Variants in TSPOAP1 observed in about 807,000 individuals in gnomAD.
TSPOAP1 encodes TSPO associated protein 1, also known as peripheral-type benzodiazepine receptor-associated protein 1.
A neutral mutation model predicts 197.0 loss-of-function variants in TSPOAP1; 87 were observed. That is an observed-to-expected ratio of 0.44 (90% CI 0.37 to 0.53). The LOEUF (loss-of-function observed/expected upper bound fraction) is 0.53, where lower values mean the gene tolerates loss of function less well. TSPOAP1 is among the 20% of genes least tolerant of loss of function. The probability of loss-of-function intolerance (pLI) is 0.00; values close to 1 mark genes in which losing one functional copy is unlikely to be tolerated. For missense variants in TSPOAP1, 2,174 were observed against 2,411.3 expected, an observed-to-expected ratio of 0.90 and a Z score of 2.06; for synonymous variants, 913 against 998.9, an observed-to-expected ratio of 0.91 and a Z score of 1.62.
In TSPOAP1 at chr17:58,323,553, T is replaced by A; in HGVS notation, c.943-8A>T. 1 of 1,613,244 alleles carries A rather than the reference T, an allele frequency of 6.2e-7. No individual in the cohort carries two copies. The highest frequency in any genetic ancestry group is 1.3e-5 in the African/African-American group (1 of 75,042). ...ATCCTCCTGGGGCGTGGCCTGGAAA[T>A]GCCCAGGGGCAAGGGGCTGGCACCT... On this transcript the variant is annotated splice_region_variant and splice_polypyrimidine_tract_variant and intron_variant, in intron 5 of 31. Coordinates refer to ENST00000343736, the MANE Select transcript of TSPOAP1 (RefSeq NM_004758.4).
At position 58,326,305 on chromosome 17, in the gene TSPOAP1, C is replaced by T. The variant is rs369879329; in HGVS notation, c.558G>A (p.Thr186=). 8.1e-6 allele frequency: 13 copies of T among 1,614,080 alleles called. No homozygotes were observed. In the East Asian group the frequency reaches 1.3e-4, roughly 17 times the overall value. The part of the protein sequence containing the change: ...LEERARKLQE[T]NLRVVSAPLP... ...CTCCTTTCCTCACCACCCTCAGGTT[C>T]GTTTCCTGCAGCTTTCGGGCCCTCT... Residue 186 remains threonine, a synonymous_variant, in exon 3 of 32, where the codon ACG becomes ACA. Coordinates refer to ENST00000343736, the MANE Select transcript of TSPOAP1 (RefSeq NM_004758.4). The surrounding 1 kb of genome is among the most constrained non-coding windows in gnomAD (Gnocchi z 4.7).
chr17:58,304,327 C>T lies in TSPOAP1; in HGVS notation c.*32+11G>A, dbSNP rs781609659. On this transcript the variant is annotated intron_variant, in intron 31 of 31. Transcript: ENST00000343736. The surrounding 1 kb of genome is among the most constrained non-coding windows in gnomAD (Gnocchi z 4.2). ...GTGGACGGTCACACAGGGGGGCAGT[C>T]CCCCACTTACATGTTGCTCTCTCTA... 5 of 1,611,294 alleles carry T rather than the reference C, an allele frequency of 3.1e-6. No individual in the cohort carries two copies. The highest frequency in any genetic ancestry group is 3.4e-6 in the Non-Finnish European group (4 of 1,177,644).
rs1971334247 is a variant in TSPOAP1, at chr17:58,319,398, C to T, written c.1495-104G>A. On this transcript the variant is annotated intron_variant, in intron 12 of 31. Transcript: ENST00000343736. ...ACACTGGGTTTCAGGTCATATCCAT[C>T]CACCCAGCCCCAGGCCTGGGCACCA... The T allele has an allele frequency of 9.5e-6, 12 of 1,259,136 alleles. No homozygotes were observed. The South Asian group carries it at 1.9e-4, about 19-fold the overall frequency. The allele number at this position is 1,259,136 out of a possible 1,614,324, so 78.0% of individuals were successfully genotyped here. A position where few individuals can be genotyped will look rare whatever the true frequency, so the allele number is the denominator to read the frequency against.
At position 58,322,013 on chromosome 17, in the gene TSPOAP1, G is replaced by A; in HGVS notation, c.1422+295C>T. 2.5e-6 allele frequency: 1 copy of A among 395,226 alleles called. No individual in the cohort carries two copies. Among genetic ancestry groups the A allele is most frequent in the Non-Finnish European group, 4.6e-6 (1 of 218,760 alleles). The allele number at this position is 395,226 out of a possible 1,614,324, so 24.5% of individuals were successfully genotyped here. ...ATGTCTACACCTCCTGGCTGGCAAGGTCAATTGTCACCTCCTCAGGGAGGC... is the reference window on the plus strand; with the variant it reads ...ATGTCTACACCTCCTGGCTGGCAAGATCAATTGTCACCTCCTCAGGGAGGC... On this transcript the variant is annotated intron_variant, in intron 10 of 31. Coordinates refer to ENST00000343736, the MANE Select transcript of TSPOAP1 (RefSeq NM_004758.4). The surrounding 1 kb of genome is among the most constrained non-coding windows in gnomAD (Gnocchi z 5.0).
Position 58,322,299 on chromosome 17 carries a change from C to G in TSPOAP1, c.1422+9G>C. The G allele has an allele frequency of 6.2e-7, 1 of 1,600,920 alleles. No individual in the cohort carries two copies. Among genetic ancestry groups the G allele is most frequent in the Non-Finnish European group, 8.5e-7 (1 of 1,179,178 alleles). On this transcript the variant is annotated intron_variant, in intron 10 of 31. Transcript: ENST00000343736. This position sits in a 1 kb window ranked among gnomAD's most constrained non-coding sequence, Gnocchi z 5.0. ...AGCAGCCTGCCAGCTTCCCTCACTGCCGCCCCACCTGCTGCAGTCTCCGGA... is the reference window on the plus strand; with the variant it reads ...AGCAGCCTGCCAGCTTCCCTCACTGGCGCCCCACCTGCTGCAGTCTCCGGA...
In TSPOAP1 at chr17:58,310,566, A is replaced by G; in HGVS notation, c.3645T>C (p.Asn1215=). The change falls in exon 20 of 32, where the codon AAT becomes AAC. Residue 1215 remains asparagine, a synonymous_variant. Coordinates refer to ENST00000343736, the MANE Select transcript of TSPOAP1 (RefSeq NM_004758.4). ...GGTCTCCTCCTTGGCACATCTCGGTATTTGGCGCCTGCTGGGCCCGTGCTC... is the reference window on the plus strand; with the variant it reads ...GGTCTCCTCCTTGGCACATCTCGGTGTTTGGCGCCTGCTGGGCCCGTGCTC... ...TQGARAQQAP[N]TEMCQGGDPG... is the part of the protein sequence containing the mutation. 1.2e-6 allele frequency: 2 copies of G among 1,613,364 alleles called. No homozygotes were observed. The highest frequency in any genetic ancestry group is 1.7e-6 in the Non-Finnish European group (2 of 1,179,998).
chr17:58,312,613 G>A lies in TSPOAP1; in HGVS notation c.2208C>T (p.His736=), dbSNP rs1971109080. The A allele has an allele frequency of 2.5e-6, 4 of 1,613,698 alleles. No homozygotes were observed. Among genetic ancestry groups the A allele is most frequent in the Non-Finnish European group, 3.4e-6 (4 of 1,179,986 alleles). ...GGAAACTGAGTTCAGGGCCTGAGCT[G>A]TGGGACAAATCGGCCAGCTCTGGAG... ...SLPPELADLS[H]SSGPELSFLS... is the part of the protein sequence containing the mutation. Residue 736 remains histidine (H), a synonymous_variant, in exon 17 of 32, where the codon CAC becomes CAT. Transcript: ENST00000343736.
chr17:58,326,239 GGCTC>G lies in TSPOAP1; in HGVS notation c.570+50_570+53del. 1.9e-6 allele frequency: 3 copies of G among 1,605,652 alleles called. No individual in the cohort carries two copies. ...TCAGACAGCCCTCAGGCCCAGCCCT[GGCTC>G]CCCTCTTCCTTGGTCACCCAGCCTC... On this transcript the variant is annotated intron_variant, in intron 3 of 31. Coordinates refer to ENST00000343736, the MANE Select transcript of TSPOAP1 (RefSeq NM_004758.4). This position sits in a 1 kb window ranked among gnomAD's most constrained non-coding sequence, Gnocchi z 4.7.
rs1971714421 is a variant in TSPOAP1 at position 58,328,209 on chromosome 17, C to T, written c.-289G>A. 1.1e-5 allele frequency: 5 copies of T among 471,368 alleles called. No individual in the cohort carries two copies. Among genetic ancestry groups the T allele is most frequent in the Admixed American group, 6.9e-5 (2 of 29,010 alleles). 29.2% of individuals were successfully genotyped at this position (471,368 alleles called of 1,614,324 possible). On this transcript the variant is annotated 5_prime_UTR_variant, in exon 1 of 32. Transcript: ENST00000343736. This position sits in a 1 kb window ranked among gnomAD's most constrained non-coding sequence, Gnocchi z 4.3. ...TCCCTGTGGGGGTAGGGAGGATGTG[C>T]AGAGGCCACCGACAGCTGCGCCTGG... is the stretch of plus-strand genomic sequence containing the variant.
Position 58,308,853 on chromosome 17 carries a change from G to A in TSPOAP1, c.4419C>T (p.Ser1473=). Residue 1473 remains serine (S), a synonymous_variant, in exon 22 of 32, where the codon TCC becomes TCT. Transcript: ENST00000343736. ...EASGRGRLGP[S]RRCSRGRALE... is the part of the protein sequence containing the mutation. Reference sequence around the variant, plus strand: ...GCGCCCGGCCACGGGAGCACCTCCGGGAAGGGCCCAGCCGGCCTCTCCCGC... The same window carrying A: ...GCGCCCGGCCACGGGAGCACCTCCGAGAAGGGCCCAGCCGGCCTCTCCCGC... The A allele has an allele frequency of 6.2e-7, 1 of 1,609,702 alleles. No individual in the cohort carries two copies.
In TSPOAP1 at chr17:58,325,640, C is replaced by T. The variant is rs150017839; in HGVS notation, c.644G>A (p.Arg215Gln). The change falls in exon 4 of 32, where the codon CGG (arginine) becomes CAG (glutamine). Residue 215 changes from arginine (R) to glutamine (Q), a missense_variant. Around this residue, in one of 5 missense-constraint regions of TSPOAP1, gnomAD observed 1,933 missense variants for 2,139.0 expected, o/e 0.90. Transcript: ENST00000343736. ...CRKALARQRA[R>Q]DLSETASALL... is the part of the protein sequence containing the mutation. ...TGCACTGGCTGTCTCACTGAGGTCC[C>T]GGGCTCGCTGGCGGGCTAGGGCCTT... 15 of 1,613,356 alleles carry T rather than the reference C, an allele frequency of 9.3e-6. No homozygotes were observed. Among genetic ancestry groups the T allele is most frequent in the East Asian group, 6.7e-5 (3 of 44,898 alleles).
At position 58,318,407 on chromosome 17, in the gene TSPOAP1, G is replaced by T. The variant is rs879041854; in HGVS notation, c.1745C>A (p.Ser582Tyr). 1.9e-6 allele frequency: 3 copies of T among 1,613,904 alleles called. No homozygotes were observed. Among genetic ancestry groups the T allele is most frequent in the South Asian group, 2.2e-5 (2 of 91,090 alleles). ...GAGAGTGGCAGGGGCAGGCTCGGAAGACTTTGGGGTGCAGCGCCCAGGGGA... is the reference window on the plus strand; with the variant it reads ...GAGAGTGGCAGGGGCAGGCTCGGAATACTTTGGGGTGCAGCGCCCAGGGGA... ...PGSPGRCTPK[S>Y]SEPAPATLTG... is the part of the protein sequence containing the mutation. Residue 582 changes from serine to tyrosine, a missense_variant, in exon 14 of 32, where the codon TCT (serine) becomes TAT (tyrosine). This residue lies in a region of TSPOAP1 where 1,933 missense variants were observed against 2,139.0 expected (regional missense o/e 0.90). Coordinates refer to ENST00000343736, the MANE Select transcript of TSPOAP1 (RefSeq NM_004758.4).
chr17:58,304,683 C>T lies in TSPOAP1; in HGVS notation c.5545-284G>A, dbSNP rs1002608560. 3.5e-6 allele frequency: 2 copies of T among 572,666 alleles called. No homozygotes were observed. The highest frequency in any genetic ancestry group is 6.1e-5 in the Admixed American group (2 of 32,836). 35.5% of individuals were successfully genotyped at this position (572,666 alleles called of 1,614,324 possible). A position where few individuals can be genotyped will look rare whatever the true frequency, so the allele number is the denominator to read the frequency against. ...TGGCTGGGCAACTGGCTTCCAAAGG[C>T]ACCTGGGAGGTATGGAGACCACCCC... On this transcript the variant is annotated intron_variant, in intron 30 of 31. Coordinates refer to ENST00000343736, the MANE Select transcript of TSPOAP1 (RefSeq NM_004758.4). The surrounding 1 kb of genome is among the most constrained non-coding windows in gnomAD (Gnocchi z 4.2).
chr17:58,318,440 G>T lies in TSPOAP1; in HGVS notation c.1712C>A (p.Pro571Gln), dbSNP rs779417524. ...GGTGCAGCGCCCAGGGGAGCCCGGCGGGAGGTCAAGGTCTAAAGAGAAGAT... is the reference window on the plus strand; with the variant it reads ...GGTGCAGCGCCCAGGGGAGCCCGGCTGGAGGTCAAGGTCTAAAGAGAAGAT... ...RGSGPKDLDL[P>Q]PGSPGRCTPK... The change falls in exon 14 of 32, where the codon CCG becomes CAG. Residue 571 changes from proline to glutamine, a missense_variant. Coordinates refer to ENST00000343736, the MANE Select transcript of TSPOAP1 (RefSeq NM_004758.4). 6.2e-7 allele frequency: 1 copy of T among 1,612,620 alleles called. No individual in the cohort carries two copies. The highest frequency in any genetic ancestry group is 8.5e-7 in the Non-Finnish European group (1 of 1,179,574).
rs375394311 is a variant in TSPOAP1, at chr17:58,319,203, G to A, written c.1586C>T (p.Pro529Leu). 1.9e-5 allele frequency: 31 copies of A among 1,590,458 alleles called. No individual in the cohort carries two copies. The highest frequency in any genetic ancestry group is 2.1e-5 in the Non-Finnish European group (25 of 1,168,476). ...AQELQAFRLH[P>L]GPLDLLTSAL... ...AGATGTGAGCAGATCCAAGGGGCCC[G>A]GGTGCAGGCGGAAAGCCTGGAGTTC... The change falls in exon 13 of 32, where the codon CCG becomes CTG. Residue 529 changes from proline (P) to leucine (L), a missense_variant. This residue lies in a region of TSPOAP1 where 1,933 missense variants were observed against 2,139.0 expected (regional missense o/e 0.90). Coordinates refer to ENST00000343736, the MANE Select transcript of TSPOAP1 (RefSeq NM_004758.4).
chr17:58,304,438 C>A lies in TSPOAP1; in HGVS notation c.5545-39G>T, dbSNP rs1410155273. On this transcript the variant is annotated intron_variant, in intron 30 of 31. Coordinates refer to ENST00000343736, the MANE Select transcript of TSPOAP1 (RefSeq NM_004758.4). This position sits in a 1 kb window ranked among gnomAD's most constrained non-coding sequence, Gnocchi z 4.2. ...ACAAAGAGAGGAGATGGGTTACCGACAGACCCGCACCTTCTCCGCCCGGCC... is the reference window on the plus strand; with the variant it reads ...ACAAAGAGAGGAGATGGGTTACCGAAAGACCCGCACCTTCTCCGCCCGGCC... 19 of 1,572,006 alleles carry A rather than the reference C, an allele frequency of 1.2e-5. No homozygotes were observed. The highest frequency in any genetic ancestry group is 1.4e-5 in the Non-Finnish European group (16 of 1,141,992).
intron 13 of TSPOAP1, 57 bp from the exon 14 acceptor site, chr17:58,318,509 A>G: frequency 6.5e-7 from 1 of 1,533,992 alleles, no homozygotes; most frequent in Non-Finnish European, 8.8e-7. Context: ...GGACCAGGAG[A>G]TAGGGTGGTG....
chr17:58,317,026 T>C (rs1232551217), intron 14 of TSPOAP1, among the ~76,000 whole-genome samples: 1 of 152,070 alleles, frequency 6.6e-6, no homozygotes, highest in African/African-American at 2.4e-5. Flanking sequence ...CAAAACCCCA[T>C]CTCTACTAAA....
Position 58,325,733 on chromosome 17 carries a change from G to A in TSPOAP1, c.571-20C>T. On this transcript the variant is annotated intron_variant, in intron 3 of 31. Transcript: ENST00000343736. ...ACTCACCTAGCCAGAGGAGGGGTAA[G>A]GCCAATGGTCACCTGAGGGCTGGGG... 6.3e-7 allele frequency: 1 copy of A among 1,585,398 alleles called. No homozygotes were observed. The highest frequency in any genetic ancestry group is 8.6e-7 in the Non-Finnish European group (1 of 1,164,240).
Sources: gnomAD v4.1 joint callset for allele counts (sites outside exome capture counted in the v4.1 genomes callset) on GRCh38, gnomAD v4.1.1 for gene constraint, gnomAD v4.1.1 regional missense constraint, Gnocchi (gnomAD v3.1) non-coding constraint, MANE v1.5 for transcripts, NCBI Gene and HGNC (gene_info 2026-07-23, HGNC 2026-07-21) for gene names.